The following GPATCH2 variants were observed in gnomAD, a reference collection of about 807,000 sequenced individuals.
The protein encoded by GPATCH2 is G patch domain-containing protein 2.
GPATCH2 carries 51 observed loss-of-function variants against 58.0 expected under a neutral mutation model. The ratio of observed to expected loss-of-function variants is 0.88; its 90% CI spans 0.70 to 1.11. The LOEUF is 1.11. GPATCH2 is among the 50% of genes most tolerant of loss of function. GPATCH2 has a pLI of 0.00. For missense variants in GPATCH2, 625 were observed against 652.2 expected (o/e 0.96, Z 0.45); for synonymous variants, 222 against 218.5 (o/e 1.02, Z -0.14).
At chr1:217,555,030 T>C (rs1665552254) in intron 5 of GPATCH2, among the ~76,000 whole-genome samples, 1 of 152,170 alleles carries the variant, frequency 6.6e-6, no homozygotes, top group African/African-American at 2.4e-5. Context: ...GTTTGCTCAG[T>C]GTACAGATGG....
chr1:217,465,065 G>T (rs1005685830), intron 8 of GPATCH2, among the ~76,000 whole-genome samples: 1 of 151,870 alleles, frequency 6.6e-6, no homozygotes, highest in Non-Finnish European at 1.5e-5. Flanking sequence ...TAAAAGAAGA[G>T]ATGATAGCAT....
At chr1:217,597,331 G>C (rs1667885216) in intron 5 of GPATCH2, among the ~76,000 whole-genome samples, 1 of 150,228 alleles carries the variant, frequency 6.7e-6, no homozygotes, top group Non-Finnish European at 1.5e-5. Context: ...AACAGAGTGA[G>C]ACTCTTGTCT....
chr1:217,432,742 T>C (rs1558387971), intron 9 of GPATCH2, among the ~76,000 whole-genome samples: 1 of 152,076 alleles, frequency 6.6e-6, no homozygotes, highest in Non-Finnish European at 1.5e-5. Context: ...TATTGCAGTC[T>C]TTGAGAAAAA....
intron 5 of GPATCH2, among the ~76,000 whole-genome samples, chr1:217,536,251 G>C (rs932898873): frequency 6.6e-6 from 1 of 152,070 alleles, no homozygotes; most frequent in African/African-American, 2.4e-5. Flanking sequence ...AACTCACTCT[G>C]TGCCTCAATA....
intron 5 of GPATCH2, among the ~76,000 whole-genome samples, chr1:217,605,117 G>A (rs1668293880): frequency 6.6e-6 from 1 of 152,128 alleles, no homozygotes; most frequent in Non-Finnish European, 1.5e-5. Flanking sequence ...CCTAACAAAA[G>A]TTGAGCAAGA....
chr1:217,470,963 T>C (rs2102501831), intron 8 of GPATCH2, among the ~76,000 whole-genome samples: 1 of 152,186 alleles, frequency 6.6e-6, no homozygotes, highest in Non-Finnish European at 1.5e-5. Context: ...TATTTTTCTA[T>C]CTGAAAGGCT....
At chr1:217,439,151 C>T (rs549610491) in intron 9 of GPATCH2, among the ~76,000 whole-genome samples, 12 of 152,124 alleles carry the variant, frequency 7.9e-5, no homozygotes, top group African/African-American at 2.2e-4. Flanking sequence ...TGCAAAAGAA[C>T]GGAAATCATA....
chr1:217,448,379 T>C (rs947207509), intron 9 of GPATCH2, among the ~76,000 whole-genome samples: 2 of 152,190 alleles, frequency 1.3e-5, no homozygotes, highest in Non-Finnish European at 2.9e-5. Context: ...GTATCTACAC[T>C]GAAAAACATT....
intron 6 of GPATCH2, among the ~76,000 whole-genome samples, chr1:217,512,700 T>C (rs142192153): frequency 0.011 from 1,701 of 152,312 alleles, 40 homozygotes; most frequent in African/African-American, 0.039. Flanking sequence ...ACTATATTTT[T>C]GATGAAATGC....
intron 9 of GPATCH2, among the ~76,000 whole-genome samples, chr1:217,436,469 C>T (rs1256170485): frequency 1.3e-5 from 2 of 152,196 alleles, no homozygotes; most frequent in Non-Finnish European, 2.9e-5. Flanking sequence ...CAAAAGCCTA[C>T]ACACATTTCT....
intron 2 of GPATCH2, among the ~76,000 whole-genome samples, chr1:217,619,546 T>C (rs1669076585): frequency 6.6e-6 from 1 of 152,320 alleles, no homozygotes. Context: ...TTCCTCCTTG[T>C]AGCTGAAAAT....
intron 9 of GPATCH2, among the ~76,000 whole-genome samples, chr1:217,444,125 G>A (rs1051712943): frequency 6.6e-6 from 1 of 152,154 alleles, no homozygotes; most frequent in Non-Finnish European, 1.5e-5. Context: ...GCAGCCTCTT[G>A]GTCACAAATC....
Position 217,444,156 on chromosome 1 carries a change from G to A in GPATCH2, c.1366+5093C>T, listed in dbSNP as rs577500322. 3.2e-4 allele frequency among the ~76,000 whole-genome samples: 49 copies of A among 152,284 alleles called. 1 individual carries two copies. The South Asian group carries it at 9.3e-3, about 29-fold the overall frequency. ...AAATCTTCAGAGAGTTTTCTATTTG[G>A]AGCCCAGGCAGAAACAAGATTATTT... On this transcript the variant is annotated intron_variant, in intron 9 of 9. Transcript: ENST00000366935.
intron 7 of GPATCH2, among the ~76,000 whole-genome samples, chr1:217,497,736 C>A (rs1429728107): frequency 1.3e-5 from 2 of 149,570 alleles, no homozygotes; most frequent in Non-Finnish European, 2.9e-5. Flanking sequence ...TGCAAGGATG[C>A]AAACTCTAAA....
intron 5 of GPATCH2, among the ~76,000 whole-genome samples, chr1:217,573,768 G>A (rs576267092): frequency 7.1e-4 from 108 of 152,308 alleles, no homozygotes; most frequent in Non-Finnish European, 1.1e-3. Flanking sequence ...TCTAGCTGGA[G>A]CACAAATCTA....
At chr1:217,612,305 T>C (rs1668673618) in intron 3 of GPATCH2, among the ~76,000 whole-genome samples, 1 of 152,208 alleles carries the variant, frequency 6.6e-6, no homozygotes, top group South Asian at 2.1e-4. Flanking sequence ...TTCTGGTTTC[T>C]AAGAGGGTCG....
At chr1:217,534,163 C>T (rs770801451) in intron 5 of GPATCH2, among the ~76,000 whole-genome samples, 1 of 152,030 alleles carries the variant, frequency 6.6e-6, no homozygotes, top group Non-Finnish European at 1.5e-5. Flanking sequence ...TTGCAGTGAG[C>T]CAAGATCACG....
At chr1:217,492,502 G>T (rs904225738) in intron 7 of GPATCH2, 9 of 152,086 alleles carry the variant, frequency 5.9e-5, no homozygotes, top group Non-Finnish European at 1.2e-4. Flanking sequence ...CTAAAACGAA[G>T]TTGTACAGAA....
intron 5 of GPATCH2, among the ~76,000 whole-genome samples, chr1:217,553,693 C>T (rs1665470460): frequency 6.6e-6 from 1 of 152,098 alleles, no homozygotes; most frequent in Non-Finnish European, 1.5e-5. Flanking sequence ...TTATTCAACA[C>T]AAAAGCCTCA....
Sources: gnomAD v4.1 joint callset for allele counts (sites outside exome capture counted in the v4.1 genomes callset) on GRCh38, gnomAD v4.1.1 for gene constraint, MANE v1.5 for transcripts, NCBI Gene and HGNC (gene_info 2026-07-23, HGNC 2026-07-21) for gene names.